The following CLDN11 variants were observed in gnomAD, a reference collection of about 807,000 sequenced individuals.
CLDN11 encodes claudin 11, also known as claudin-11.
Under a neutral mutation model 18.0 loss-of-function variants are expected in CLDN11, and 1 was observed. The observed-to-expected ratio is 0.06, with a 90% CI of 0.02 to 0.26. CLDN11 has a LOEUF of 0.26. Among genes scored for constraint, CLDN11 ranks in the 10% least tolerant of loss-of-function variants. CLDN11 has a pLI of 1.00. For missense variants in CLDN11, 172 were observed against 276.6 expected (o/e 0.62, Z 2.68); for synonymous variants, 116 against 121.5 (o/e 0.96, Z 0.30).
intron 2 of CLDN11, among the ~76,000 whole-genome samples, chr3:170,425,093 GGGCTCCCTCTTGCA>G (rs1738819690): frequency 6.6e-6 from 1 of 152,116 alleles, no homozygotes; most frequent in African/African-American, 2.4e-5. Flanking sequence ...TGACTCACAG[GGGCTCCCTCTTGCA>G]GTGCTCTATG....
intron 2 of CLDN11, among the ~76,000 whole-genome samples, chr3:170,428,992 C>A (rs564655342): frequency 9.9e-5 from 15 of 152,240 alleles, no homozygotes; most frequent in East Asian, 1.9e-4. Context: ...AACTATCAGG[C>A]CTTCTGTGTC....
intron 1 of CLDN11, among the ~76,000 whole-genome samples, chr3:170,422,614 G>C (rs1652689296): frequency 1.3e-5 from 2 of 152,084 alleles, no homozygotes; most frequent in African/African-American, 4.8e-5. Context: ...GTAGAGATGG[G>C]GTTTCGCCCT....
At chr3:170,429,712 G>A (rs1436632876) in intron 2 of CLDN11, among the ~76,000 whole-genome samples, 1 of 152,150 alleles carries the variant, frequency 6.6e-6, no homozygotes, top group African/African-American at 2.4e-5. Context: ...CCTGTGTGAA[G>A]ATAATCTTGT....
In CLDN11 at chr3:170,428,468, G is replaced by A. The variant is rs189774989; in HGVS notation, c.392-4056G>A. On this transcript the variant is annotated intron_variant, in intron 2 of 2. Coordinates refer to ENST00000064724, the MANE Select transcript of CLDN11 (RefSeq NM_005602.6). ...TATCTTATCAATTAAAGAATGTATT[G>A]TGTTGCATTATTTGAAACTTGTTCT... is the stretch of plus-strand genomic sequence containing the variant. Among the ~76,000 whole-genome samples, 128 of 152,258 alleles carry A rather than the reference G, an allele frequency of 8.4e-4. 1 individual carries two copies. The highest frequency in any genetic ancestry group is 3.4e-4 in the Non-Finnish European group (23 of 68,018).
intron 1 of CLDN11, among the ~76,000 whole-genome samples, chr3:170,422,884 T>C (rs1738757649): frequency 6.6e-6 from 1 of 152,230 alleles, no homozygotes; most frequent in Admixed American, 6.5e-5. Context: ...CAGGGGGATG[T>C]AATAATGTAA....
chr3:170,432,141 T>C (rs1188684333), intron 2 of CLDN11, among the ~76,000 whole-genome samples: 2 of 152,216 alleles, frequency 1.3e-5, no homozygotes, highest in Non-Finnish European at 2.9e-5. Context: ...CTTAGAATGA[T>C]GCATAGACAT....
chr3:170,430,119 G>A (rs766628457), intron 2 of CLDN11, among the ~76,000 whole-genome samples: 3 of 152,206 alleles, frequency 2.0e-5, no homozygotes, highest in Non-Finnish European at 2.9e-5. Flanking sequence ...TTGAGGTTTA[G>A]GGCTGTGTAA....
chr3:170,422,419 G>GTTTA (rs1198733585), intron 1 of CLDN11, among the ~76,000 whole-genome samples: 27 of 152,040 alleles, frequency 1.8e-4, no homozygotes, highest in South Asian at 6.2e-4. Context: ...TACTTTGTTT[G>GTTTA]TTTATTTATT....
intron 2 of CLDN11, 46 bp downstream of exon 2, chr3:170,423,373 T>A: frequency 6.3e-7 from 1 of 1,597,286 alleles, no homozygotes; most frequent in Non-Finnish European, 8.6e-7. Flanking sequence ...GGGAGCCTGA[T>A]GAATCTCAGA....
rs1738716264 is a variant in CLDN11 at position 170,421,267 on chromosome 3, G to A, written c.227-1896G>A. 14 of 985,760 alleles carry A rather than the reference G, an allele frequency of 1.4e-5. No individual in the cohort carries two copies. In the South Asian group the frequency reaches 6.1e-4, roughly 43 times the overall value. 61.1% of individuals were successfully genotyped at this position (985,760 alleles called of 1,614,324 possible). A position where few individuals can be genotyped will look rare whatever the true frequency, so the allele number is the denominator to read the frequency against. On this transcript the variant is annotated intron_variant, in intron 1 of 2. Transcript: ENST00000064724. ...CTTTTGGTGTCCGGACATGGCCTTGGCACTGTAGCATGTGGACAGCCAGTG... is the reference window on the plus strand; with the variant it reads ...CTTTTGGTGTCCGGACATGGCCTTGACACTGTAGCATGTGGACAGCCAGTG...
At chr3:170,422,446 G>A (rs1309982220) in intron 1 of CLDN11, among the ~76,000 whole-genome samples, 1 of 152,080 alleles carries the variant, frequency 6.6e-6, no homozygotes, top group Non-Finnish European at 1.5e-5. Context: ...TTTTGAGAAA[G>A]AGTCTCGCTC....
Position 170,419,045 on chromosome 3 carries a change from CGG to C in CLDN11, c.-19_-18del. ...AGGCACAGCCGTGAGGGGCGAGGCA[CGG>C]GGACATCCTGGCGGCCACCATGGTG... On this transcript the variant is annotated 5_prime_UTR_variant, in exon 1 of 3. Coordinates refer to ENST00000064724, the MANE Select transcript of CLDN11 (RefSeq NM_005602.6). The surrounding 1 kb of genome is among the most constrained non-coding windows in gnomAD (Gnocchi z 8.6). 1 of 1,528,286 alleles carries C rather than the reference CGG, an allele frequency of 6.5e-7. No individual in the cohort carries two copies. The highest frequency in any genetic ancestry group is 1.4e-5 in the African/African-American group (1 of 72,792). The allele number at this position is 1,528,286 out of a possible 1,614,324, so 94.7% of individuals were successfully genotyped here. A position where few individuals can be genotyped will look rare whatever the true frequency, so the allele number is the denominator to read the frequency against.
intron 2 of CLDN11, among the ~76,000 whole-genome samples, chr3:170,429,138 T>A (rs1472950024): frequency 6.6e-6 from 1 of 152,270 alleles, no homozygotes; most frequent in Non-Finnish European, 1.5e-5. Flanking sequence ...TTGCTGAAAT[T>A]GAGTAAATTC....
At chr3:170,424,918 T>G (rs1042610147) in intron 2 of CLDN11, among the ~76,000 whole-genome samples, 97 of 110,136 alleles carry the variant, frequency 8.8e-4, no homozygotes, top group Non-Finnish European at 1.6e-3. Flanking sequence ...GCCACAAGGG[T>G]GTGTGTGTGT....
intron 2 of CLDN11, among the ~76,000 whole-genome samples, chr3:170,428,409 C>T (rs1347514798): frequency 6.6e-6 from 1 of 152,166 alleles, no homozygotes; most frequent in Non-Finnish European, 1.5e-5. Flanking sequence ...TCTGTTTGGT[C>T]ACATCACCAT....
In CLDN11 at chr3:170,422,047, G is replaced by A. The variant is rs146926090; in HGVS notation, c.227-1116G>A. Among the ~76,000 whole-genome samples, 356 of 152,304 alleles carry A rather than the reference G, an allele frequency of 2.3e-3. 2 individuals carry two copies. Among genetic ancestry groups the A allele is most frequent in the Admixed American group, 6.5e-3 (99 of 15,308 alleles). ...GATGCCTTTTAAGCAATGATGGACA[G>A]TTGGGGAAGGATGCCCAGGGCACTG... On this transcript the variant is annotated intron_variant, in intron 1 of 2. Coordinates refer to ENST00000064724, the MANE Select transcript of CLDN11 (RefSeq NM_005602.6).
chr3:170,430,115 T>C, intron 2 of CLDN11, among the ~76,000 whole-genome samples: 1 of 152,214 alleles, frequency 6.6e-6, no homozygotes, highest in Middle Eastern at 3.2e-3. Context: ...ACTTTTGAGG[T>C]TTAGGGCTGT....
chr3:170,432,512 A>G lies in CLDN11; in HGVS notation c.392-12A>G, dbSNP rs761859543. 1.2e-5 allele frequency: 19 copies of G among 1,611,088 alleles called. No individual in the cohort carries two copies. The highest frequency in any genetic ancestry group is 1.7e-5 in the Admixed American group (1 of 59,990). On this transcript the variant is annotated splice_polypyrimidine_tract_variant and intron_variant, in intron 2 of 2. Coordinates refer to ENST00000064724, the MANE Select transcript of CLDN11 (RefSeq NM_005602.6). The stretch of plus-strand genomic sequence containing the variant: ...GGTTGCGCCCAGTCACCGCCTCTCC[A>G]TGTCTCTCCAGCTCTCTGCGCCCTT...
intron 2 of CLDN11, among the ~76,000 whole-genome samples, chr3:170,424,540 G>GT (rs373612136): frequency 2.0e-5 from 3 of 152,100 alleles, no homozygotes; most frequent in Non-Finnish European, 4.4e-5. Context: ...ATTTCTCTCC[G>GT]TTTTTTTCCC....
Sources: gnomAD v4.1 joint callset for allele counts (sites outside exome capture counted in the v4.1 genomes callset) on GRCh38, gnomAD v4.1.1 for gene constraint, Gnocchi (gnomAD v3.1) non-coding constraint, MANE v1.5 for transcripts, NCBI Gene and HGNC (gene_info 2026-07-23, HGNC 2026-07-21) for gene names.